The following SLX4IP variants were observed in gnomAD, a reference collection of about 807,000 sequenced individuals.
SLX4IP encodes the protein SLX4 interacting protein.
SLX4IP carries 34 observed loss-of-function variants against 32.9 expected under a neutral mutation model. The observed-to-expected ratio is 1.03, with a 90% CI of 0.79 to 1.38. The LOEUF is 1.38. SLX4IP is among the 40% of genes most tolerant of loss of function. The probability of loss-of-function intolerance (pLI) is 0.00; values close to 1 mark genes in which losing one functional copy is unlikely to be tolerated. For missense variants in SLX4IP, 444 were observed against 479.0 expected (o/e 0.93, Z 0.68); for synonymous variants, 172 against 171.7 (o/e 1.00, Z -0.01).
intron 2 of SLX4IP, among the ~76,000 whole-genome samples, chr20:10,500,097 G>A (rs1351165835): frequency 6.8e-6 from 1 of 146,044 alleles, no homozygotes; most frequent in East Asian, 2.1e-4. Flanking sequence ...AGATGGGGAA[G>A]ACTTTGAATT....
At chr20:10,450,055 G>A (rs2065229814) in intron 1 of SLX4IP, among the ~76,000 whole-genome samples, 2 of 152,240 alleles carry the variant, frequency 1.3e-5, no homozygotes, top group South Asian at 4.1e-4. Flanking sequence ...ACTGTAATAT[G>A]GCTCATTTAT....
rs568549770 is a variant in SLX4IP at position 10,495,908 on chromosome 20, T to C, written c.27+37677T>C. Among the ~76,000 whole-genome samples the C allele has an allele frequency of 2.5e-3, 380 of 152,238 alleles. 4 individuals carry two copies. The highest frequency in any genetic ancestry group is 8.9e-3 in the African/African-American group (368 of 41,564). The stretch of plus-strand genomic sequence containing the variant: ...GTTTTTTTTTGTTGTTGTTATTATT[T>C]GGTTGATTTTTAATTTTGTTTCATT... On this transcript the variant is annotated intron_variant, in intron 2 of 7. Coordinates refer to ENST00000334534, the MANE Select transcript of SLX4IP (RefSeq NM_001009608.3).
At chr20:10,555,024 C>T (rs1253791196) in intron 2 of SLX4IP, among the ~76,000 whole-genome samples, 5 of 151,804 alleles carry the variant, frequency 3.3e-5, no homozygotes, top group Admixed American at 2.6e-4. Context: ...TTTCCTATTC[C>T]AAAGATCAGG....
chr20:10,574,219 C>T lies in SLX4IP; in HGVS notation c.238+13399C>T, dbSNP rs553784323. 6.0e-4 allele frequency among the ~76,000 whole-genome samples: 91 copies of T among 152,200 alleles called. 1 individual carries two copies. The highest frequency in any genetic ancestry group is 2.5e-3 in the South Asian group (12 of 4,820). On this transcript the variant is annotated intron_variant, in intron 4 of 7. Transcript: ENST00000334534. ...TACTTTTGTCTACTTTTAATTTTTA[C>T]AAGAAATTAAAATTCAAAAAAACGT...
At chr20:10,522,555 G>C (rs17454468) in intron 2 of SLX4IP, among the ~76,000 whole-genome samples, 2 of 152,156 alleles carry the variant, frequency 1.3e-5, no homozygotes, top group African/African-American at 2.4e-5. Context: ...GGGCCTGCGG[G>C]TACCAGTGAC....
At chr20:10,586,319 GC>G in intron 4 of SLX4IP, among the ~76,000 whole-genome samples, 1 of 152,230 alleles carries the variant, frequency 6.6e-6, no homozygotes, top group Non-Finnish European at 1.5e-5. Context: ...TGGGCAGGGG[GC>G]TTTCATAGGC....
At chr20:10,525,336 G>A (rs1600962731) in intron 2 of SLX4IP, among the ~76,000 whole-genome samples, 1 of 152,078 alleles carries the variant, frequency 6.6e-6, no homozygotes, top group African/African-American at 2.4e-5. Context: ...TGCCAATTTT[G>A]ATGTTATATA....
chr20:10,489,257 G>A (rs1189992372), intron 2 of SLX4IP, among the ~76,000 whole-genome samples: 1 of 152,154 alleles, frequency 6.6e-6, no homozygotes, highest in East Asian at 1.9e-4. Context: ...GTCCACTAAT[G>A]TAGACAAATC....
chr20:10,480,656 A>C (rs1242989458), intron 2 of SLX4IP, among the ~76,000 whole-genome samples: 1 of 152,216 alleles, frequency 6.6e-6, no homozygotes, highest in African/African-American at 2.4e-5. Flanking sequence ...TCTTTTTCTC[A>C]TGTAGATTTT....
chr20:10,607,968 C>G (rs535616779), intron 6 of SLX4IP, among the ~76,000 whole-genome samples: 2 of 152,168 alleles, frequency 1.3e-5, no homozygotes, highest in Non-Finnish European at 2.9e-5. Flanking sequence ...TGCAAGGGAA[C>G]CTGCCCTTTG....
intron 2 of SLX4IP, among the ~76,000 whole-genome samples, chr20:10,536,084 T>C (rs777309260): frequency 3.3e-5 from 5 of 152,230 alleles, no homozygotes; most frequent in Non-Finnish European, 7.3e-5. Flanking sequence ...GAATGTAGAA[T>C]GGCTCTTACG....
chr20:10,572,216 A>G (rs907913710), intron 4 of SLX4IP, among the ~76,000 whole-genome samples: 3 of 152,362 alleles, frequency 2.0e-5, no homozygotes, highest in African/African-American at 7.2e-5. Context: ...CCCAAAGATC[A>G]GATACTAGCT....
At chr20:10,581,925 C>A (rs950839298) in intron 4 of SLX4IP, among the ~76,000 whole-genome samples, 1 of 152,050 alleles carries the variant, frequency 6.6e-6, no homozygotes, top group African/African-American at 2.4e-5. Context: ...ACATCTTCAC[C>A]CGAAGTGGGA....
intron 2 of SLX4IP, among the ~76,000 whole-genome samples, chr20:10,555,754 T>A (rs1201787712): frequency 6.6e-6 from 1 of 152,222 alleles, no homozygotes; most frequent in East Asian, 1.9e-4. Context: ...CATGTTCCTA[T>A]TTCAATTCCA....
chr20:10,609,076 G>A (rs569538707), intron 6 of SLX4IP, among the ~76,000 whole-genome samples: 1 of 152,116 alleles, frequency 6.6e-6, no homozygotes, highest in East Asian at 1.9e-4. Flanking sequence ...AACATCCAGA[G>A]GAGGAAGAGG....
chr20:10,534,414 A>G (rs1263294530), intron 2 of SLX4IP, among the ~76,000 whole-genome samples: 3 of 152,170 alleles, frequency 2.0e-5, no homozygotes, highest in Non-Finnish European at 4.4e-5. Context: ...AATCACACAG[A>G]AGCAGGAAAA....
At position 10,521,861 on chromosome 20, in the gene SLX4IP, G is replaced by A. The variant is rs1007779091; in HGVS notation, c.28-34370G>A. 2.0e-5 allele frequency among the ~76,000 whole-genome samples: 3 copies of A among 152,352 alleles called. No individual in the cohort carries two copies. In the South Asian group the frequency reaches 6.2e-4, roughly 32 times the overall value. ...GAAAGTGTTTAAATTTAGGAGCAGA[G>A]GGAGTGCAGAGATGGGCACACTGTG... is the stretch of plus-strand genomic sequence containing the variant. On this transcript the variant is annotated intron_variant, in intron 2 of 7. Coordinates refer to ENST00000334534, the MANE Select transcript of SLX4IP (RefSeq NM_001009608.3).
intron 2 of SLX4IP, among the ~76,000 whole-genome samples, chr20:10,545,775 G>A (rs1349947238): frequency 6.6e-6 from 1 of 152,146 alleles, no homozygotes; most frequent in Non-Finnish European, 1.5e-5. Flanking sequence ...GGAAAATTAT[G>A]CTACCTGTCT....
chr20:10,441,898 T>C (rs1210981839), intron 1 of SLX4IP, among the ~76,000 whole-genome samples: 1 of 152,216 alleles, frequency 6.6e-6, no homozygotes, highest in Non-Finnish European at 1.5e-5. Flanking sequence ...AAGTTTGTGA[T>C]TCATTCCTTG....
Sources: allele counts gnomAD v4.1 joint callset (sites outside exome capture counted in the v4.1 genomes callset), GRCh38; gene constraint gnomAD v4.1.1; transcripts MANE v1.5; gene names NCBI Gene and HGNC (gene_info 2026-07-23, HGNC 2026-07-21).